Variants in MEF2A observed in about 807,000 individuals in gnomAD.
The protein encoded by MEF2A is myocyte-specific enhancer factor 2A.
Under a neutral mutation model 55.8 loss-of-function variants are expected in MEF2A, and 28 were observed. The ratio of observed to expected loss-of-function variants is 0.50; its 90% CI spans 0.37 to 0.69. MEF2A has a LOEUF of 0.69. Ranked by LOEUF, MEF2A falls within the 30% of genes least tolerant of loss-of-function variation. The probability of loss-of-function intolerance (pLI) is 0.00; values close to 1 mark genes in which losing one functional copy is unlikely to be tolerated. For missense variants in MEF2A, 528 were observed against 626.2 expected (o/e 0.84, Z 1.67); for synonymous variants, 239 against 227.1 (o/e 1.05, Z -0.47).
chr15:99,634,317 GAC>G (rs954787938), intron 3 of MEF2A, among the ~76,000 whole-genome samples: 2 of 152,182 alleles, frequency 1.3e-5, no homozygotes, highest in African/African-American at 4.8e-5. Flanking sequence ...GTTCAACAAA[GAC>G]ATAAGGCCCA....
chr15:99,641,690 C>A (rs960522059), intron 3 of MEF2A, among the ~76,000 whole-genome samples: 5 of 152,164 alleles, frequency 3.3e-5, no homozygotes, highest in African/African-American at 1.2e-4. Flanking sequence ...GCCACTTGCA[C>A]TCCAGCCTGG....
intron 4 of MEF2A, among the ~76,000 whole-genome samples, chr15:99,658,848 T>G (rs895617944): frequency 6.6e-6 from 1 of 152,098 alleles, no homozygotes; most frequent in Non-Finnish European, 1.5e-5. Flanking sequence ...AGTGTTACAA[T>G]CAAACCATCT....
At chr15:99,671,108 C>G (rs1376457167) in intron 4 of MEF2A, among the ~76,000 whole-genome samples, 1 of 152,160 alleles carries the variant, frequency 6.6e-6, no homozygotes, top group Non-Finnish European at 1.5e-5. Context: ...AACAAATATT[C>G]CTTTTCTCTT....
At chr15:99,583,898 G>T (rs542514098) in intron 1 of MEF2A, among the ~76,000 whole-genome samples, 1 of 152,006 alleles carries the variant, frequency 6.6e-6, no homozygotes, top group Non-Finnish European at 1.5e-5. Flanking sequence ...AGCCAATTTT[G>T]TTACTTTGTG....
chr15:99,687,284 C>T (rs1237422419), intron 7 of MEF2A, among the ~76,000 whole-genome samples: 9 of 151,852 alleles, frequency 5.9e-5, no homozygotes, highest in East Asian at 3.9e-4. Context: ...ATTATTAGGA[C>T]GAATTTTAGA....
chr15:99,658,767 G>T (rs1357908684), intron 4 of MEF2A, among the ~76,000 whole-genome samples: 1 of 152,138 alleles, frequency 6.6e-6, no homozygotes, highest in African/African-American at 2.4e-5. Context: ...GTTTAGGAAG[G>T]GAGTAGAATG....
intron 8 of MEF2A, among the ~76,000 whole-genome samples, chr15:99,694,243 T>C (rs1170808491): frequency 6.6e-6 from 1 of 152,210 alleles, no homozygotes; most frequent in African/African-American, 2.4e-5. Context: ...TCTGATGTTT[T>C]TCTCATGCTT....
intron 1 of MEF2A, among the ~76,000 whole-genome samples, chr15:99,575,794 C>G (rs1417075237): frequency 6.6e-6 from 1 of 152,136 alleles, no homozygotes; most frequent in East Asian, 1.9e-4. Flanking sequence ...GCATTCTAGT[C>G]TGTTTTAAAG....
chr15:99,689,781 A>G (rs889293115), intron 7 of MEF2A, among the ~76,000 whole-genome samples: 2 of 152,172 alleles, frequency 1.3e-5, no homozygotes, highest in Middle Eastern at 3.2e-3. Context: ...GCACCTGGCC[A>G]GAAATGTGTT....
intron 8 of MEF2A, among the ~76,000 whole-genome samples, chr15:99,695,793 A>AGGTTGCAG (rs981673660): frequency 1.3e-5 from 2 of 151,740 alleles, no homozygotes; most frequent in African/African-American, 4.8e-5. Context: ...CGGGAGGCGG[A>AGGTTGCAG]GGTTGCAGTG....
At chr15:99,707,801 A>G (rs1268381286) in intron 10 of MEF2A, among the ~76,000 whole-genome samples, 1 of 152,328 alleles carries the variant, frequency 6.6e-6, no homozygotes, top group Middle Eastern at 3.4e-3. Flanking sequence ...TTTAGCCTTC[A>G]GGGTAAATGC....
intron 2 of MEF2A, among the ~76,000 whole-genome samples, chr15:99,625,762 T>G (rs536592823): frequency 6.6e-6 from 1 of 152,274 alleles, no homozygotes; most frequent in Non-Finnish European, 1.5e-5. Flanking sequence ...TATTCTCTTA[T>G]GTGGTGTGTC....
rs773502316 is a variant in MEF2A at position 99,602,653 on chromosome 15, G to GGTGTGTGTGTGTGTGT, written c.-143+4173_-143+4188dup. 1.5e-3 allele frequency among the ~76,000 whole-genome samples: 67 copies of GGTGTGTGTGTGTGTGT among 44,862 alleles called. 10 individuals carry two copies. The highest frequency in any genetic ancestry group is 2.6e-3 in the East Asian group (3 of 1,148). 29.4% of individuals were successfully genotyped at this position (44,862 alleles called of 152,430 possible). On this transcript the variant is annotated intron_variant, in intron 2 of 11. Transcript: ENST00000557942. ...CCTGGTGGTTGCCTGACATTCCTGGGGTGTGTGTGTGTGTGTGTGTGTGTG... is the reference window on the plus strand; with the variant it reads ...CCTGGTGGTTGCCTGACATTCCTGGGGTGTGTGTGTGTGTGTGTGTGTGTGTGTGTGTGTGTGTGTG...
intron 4 of MEF2A, among the ~76,000 whole-genome samples, chr15:99,660,968 G>A (rs1394944115): frequency 6.6e-6 from 1 of 152,046 alleles, no homozygotes; most frequent in Non-Finnish European, 1.5e-5. Flanking sequence ...AAGGTGAGAG[G>A]GTTTGCACTG....
chr15:99,567,297 TTTTTTC>T (rs1960087681), intron 1 of MEF2A, among the ~76,000 whole-genome samples: 1 of 152,230 alleles, frequency 6.6e-6, no homozygotes, highest in Admixed American at 6.5e-5. Flanking sequence ...TGTCTTAACA[TTTTTTC>T]GGGTTTTTAG....
chr15:99,700,739 G>A (rs2057295929), intron 8 of MEF2A, among the ~76,000 whole-genome samples: 1 of 152,128 alleles, frequency 6.6e-6, no homozygotes, highest in African/African-American at 2.4e-5. Flanking sequence ...ATGAGCCGGG[G>A]TTGTCAGAGG....
intron 1 of MEF2A, among the ~76,000 whole-genome samples, chr15:99,591,672 A>G (rs184287555): frequency 1.9e-3 from 288 of 152,010 alleles, no homozygotes; most frequent in Non-Finnish European, 2.6e-3. Flanking sequence ...TGATCTTCTC[A>G]CAGGTTCTTC....
At chr15:99,702,636 C>G (rs1271251533) in intron 8 of MEF2A, among the ~76,000 whole-genome samples, 1 of 152,012 alleles carries the variant, frequency 6.6e-6, no homozygotes, top group African/African-American at 2.4e-5. Flanking sequence ...CCATCTTGGC[C>G]AGGCTGGTCT....
At chr15:99,623,126 TTACGTACTTCA>T (rs2041506692) in intron 2 of MEF2A, among the ~76,000 whole-genome samples, 1 of 152,232 alleles carries the variant, frequency 6.6e-6, no homozygotes, top group African/African-American at 2.4e-5. Context: ...TTTGACTACT[TTACGTACTTCA>T]TACCAATGGA....
Sources: allele counts gnomAD v4.1 joint callset (sites outside exome capture counted in the v4.1 genomes callset), GRCh38; gene constraint gnomAD v4.1.1; transcripts MANE v1.5; gene names NCBI Gene and HGNC (gene_info 2026-07-23, HGNC 2026-07-21).